HYCC1: variants seen among roughly 807,000 people sequenced by gnomAD.
The protein encoded by HYCC1 is hyccin PI4KA lipid kinase complex subunit 1.
At chr7:23,007,303 G>A in the HYCC1 span, among the ~76,000 whole-genome samples, 2 of 152,044 alleles carry the variant, frequency 1.3e-5, no homozygotes, top group African/African-American at 4.8e-5. Context: ...GAAAACATGG[G>A]CTATTACATC....
the HYCC1 span, among the ~76,000 whole-genome samples, chr7:22,929,608 A>G: frequency 7.9e-5 from 12 of 152,208 alleles, no homozygotes; most frequent in East Asian, 1.9e-4. Flanking sequence ...ATCATCACTG[A>G]CCATCAGAGA....
chr7:22,973,139 T>C, the HYCC1 span, among the ~76,000 whole-genome samples: 2 of 152,204 alleles, frequency 1.3e-5, no homozygotes, highest in African/African-American at 4.8e-5. Context: ...AACAGCAGGA[T>C]CACTTTCATC....
At chr7:22,951,543 T>A in the HYCC1 span, among the ~76,000 whole-genome samples, 1,767 of 150,056 alleles carry the variant, frequency 0.012, 34 homozygotes, top group African/African-American at 0.04. Context: ...CTTTTACAAT[T>A]TATGAGATGT....
chr7:22,974,526 A>G, the HYCC1 span, among the ~76,000 whole-genome samples: 41 of 152,228 alleles, frequency 2.7e-4, no homozygotes, highest in Non-Finnish European at 1.5e-5. Context: ...AGGTTAGGAA[A>G]TGTAATTATG....
At chr7:22,974,975 T>A in the HYCC1 span, among the ~76,000 whole-genome samples, 2 of 152,196 alleles carry the variant, frequency 1.3e-5, no homozygotes, top group Admixed American at 1.3e-4. Context: ...TCCACCATGA[T>A]TGTGAGGCTC....
At chr7:22,994,198 G>A in the HYCC1 span, among the ~76,000 whole-genome samples, 152,328 of 152,336 alleles carry the variant, frequency 1, 76,160 homozygotes, top group Middle Eastern at 1. Flanking sequence ...ATGTCCATCA[G>A]TAGTTGAACG....
chr7:22,978,110 G>A, the HYCC1 span: 1 of 676,838 alleles, frequency 1.5e-6, no homozygotes, highest in Non-Finnish European at 2.6e-6. Context: ...ACGCTTGTAT[G>A]TCTCCCAATC....
chr7:22,992,281 T>G, the HYCC1 span, among the ~76,000 whole-genome samples: 1 of 151,956 alleles, frequency 6.6e-6, no homozygotes, highest in Admixed American at 6.6e-5. Context: ...TTAAAACATT[T>G]TTTGGTCATT....
chr7:22,946,055 C>A, the HYCC1 span: 1 of 1,613,724 alleles, frequency 6.2e-7, no homozygotes, highest in Non-Finnish European at 8.5e-7. Flanking sequence ...ATTGTGACTA[C>A]TGTTTGATAA....
the HYCC1 span, among the ~76,000 whole-genome samples, chr7:22,929,878 A>G: frequency 6.6e-6 from 1 of 152,204 alleles, no homozygotes; most frequent in Non-Finnish European, 1.5e-5. Context: ...TGCTGCTATA[A>G]AGACACGTGC....
the HYCC1 span, among the ~76,000 whole-genome samples, chr7:22,949,281 T>G: frequency 2.6e-5 from 4 of 152,152 alleles, no homozygotes; most frequent in Admixed American, 2.6e-4. Context: ...TGATTCCCAT[T>G]TACAGACAAG....
At chr7:22,985,046 A>G in the HYCC1 span, among the ~76,000 whole-genome samples, 5 of 152,074 alleles carry the variant, frequency 3.3e-5, no homozygotes, top group Non-Finnish European at 7.4e-5. Flanking sequence ...CTTCTGGAGC[A>G]CACCCCCTCC....
chr7:22,923,057 A>T, the HYCC1 span, among the ~76,000 whole-genome samples: 1 of 152,202 alleles, frequency 6.6e-6, no homozygotes, highest in Non-Finnish European at 1.5e-5. Context: ...ACTACACACA[A>T]ATTTGACCTA....
chr7:22,916,638 C>T, the HYCC1 span, among the ~76,000 whole-genome samples: 644 of 152,308 alleles, frequency 4.2e-3, 1 homozygote, highest in African/African-American at 0.014. Flanking sequence ...CTCTGATCCA[C>T]CTGATATTCA....
the HYCC1 span, among the ~76,000 whole-genome samples, chr7:23,013,173 T>C: frequency 1.3e-5 from 2 of 152,226 alleles, no homozygotes; most frequent in African/African-American, 4.8e-5. Flanking sequence ...GGGGGTGTTT[T>C]AATGCAACCA....
the HYCC1 span, among the ~76,000 whole-genome samples, chr7:23,002,162 A>ATATATATACAAT: frequency 0.057 from 2,034 of 35,394 alleles, 33 homozygotes; most frequent in Non-Finnish European, 0.075. Context: ...ATATATATAT[A>ATATATATACAAT]TATATATATA....
At chr7:22,945,535 A>T in the HYCC1 span, 1 of 1,352,080 alleles carries the variant, frequency 7.4e-7, no homozygotes, top group South Asian at 1.2e-5. Flanking sequence ...TTCATAAAGA[A>T]GCAAAGTTGT....
chr7:23,008,799 C>T, the HYCC1 span, among the ~76,000 whole-genome samples: 12 of 151,934 alleles, frequency 7.9e-5, no homozygotes, highest in African/African-American at 2.9e-4. Flanking sequence ...CAATAAACAG[C>T]ATTAAAATAA....
chr7:22,963,806 A>G, the HYCC1 span, among the ~76,000 whole-genome samples: 290 of 152,352 alleles, frequency 1.9e-3, 1 homozygote, highest in Middle Eastern at 0.01. Context: ...AGAAGTTTAT[A>G]AATTCTGTCT....
Sources: gnomAD v4.1 joint callset for allele counts (sites outside exome capture counted in the v4.1 genomes callset) on GRCh38, gnomAD v4.1.1 for gene constraint, MANE v1.5 for transcripts, NCBI Gene and HGNC (gene_info 2026-07-23, HGNC 2026-07-21) for gene names.